The following FGF13 variants were observed in gnomAD, a reference collection of about 807,000 sequenced individuals.
FGF13 encodes fibroblast growth factor 13, also known as fibroblast growth factor homologous factor 2.
Under a neutral mutation model 19.5 loss-of-function variants are expected in FGF13, and 2 were observed. The observed-to-expected ratio is 0.10, with a 90% CI of 0.04 to 0.32. The LOEUF (loss-of-function observed/expected upper bound fraction) is 0.32. FGF13 is among the 10% of genes least tolerant of loss of function. The pLI is 1.00. For missense variants in FGF13, 113 were observed against 192.7 expected (o/e 0.59, Z 2.45); for synonymous variants, 72 against 76.9 (o/e 0.94, Z 0.33).
intron 1 of FGF13, among the ~76,000 whole-genome samples, chrX:139,150,873 G>T (rs892773958): frequency 9.0e-6 from 1 of 111,335 alleles, no homozygotes; most frequent in African/African-American, 3.3e-5. Flanking sequence ...CATGCTAGTA[G>T]CCTAGGCCAC....
At chrX:138,745,407 A>G (rs1323777582) in intron 3 of FGF13, among the ~76,000 whole-genome samples, 1 of 111,968 alleles carries the variant, frequency 8.9e-6, no homozygotes, top group Non-Finnish European at 1.9e-5. Flanking sequence ...AGGAAGAATA[A>G]GAGAATGGCC....
intron 1 of FGF13, among the ~76,000 whole-genome samples, chrX:139,122,763 C>G (rs772684099): frequency 1.8e-5 from 2 of 111,540 alleles, no homozygotes; most frequent in South Asian, 7.6e-4. Flanking sequence ...TCAGACCAAA[C>G]TTTTTGGGAC....
At chrX:139,052,393 C>G (rs1186987602) in intron 1 of FGF13, among the ~76,000 whole-genome samples, 1 of 112,253 alleles carries the variant, frequency 8.9e-6, no homozygotes, top group East Asian at 2.8e-4. Context: ...CATGTCACTG[C>G]AGTCTTTTTT....
At position 138,632,952 on chromosome X, in the gene FGF13, G is replaced by A; in HGVS notation, c.636C>T (p.Leu212=). Residue 212 remains leucine (L), a synonymous_variant, in exon 5 of 5, where the codon CTC becomes CTT. Transcript: ENST00000315930. ...CGCTTCCAGATCGGGAGAACTCCGT[G>A]AGATCGTGCAGTGATGGCTCCTTGT... The part of the protein sequence containing the change: ...AMYKEPSLHD[L]TEFSRSGSGT... 1 of 1,210,708 alleles carries A rather than the reference G, an allele frequency of 8.3e-7. No individual in the cohort carries two copies. The highest frequency in any genetic ancestry group is 1.8e-5 in the South Asian group (1 of 56,863).
At chrX:139,152,173 A>G (rs6635774) in intron 1 of FGF13, among the ~76,000 whole-genome samples, 87 of 110,880 alleles carry the variant, frequency 7.8e-4, no homozygotes, top group African/African-American at 2.8e-3. Flanking sequence ...ATGGGATCAG[A>G]TCGACAAGAG....
upstream of FGF13, chrX:139,204,236 T>TCCGCTTCG (rs2084445108): frequency 8.2e-6 from 5 of 612,233 alleles, no homozygotes; most frequent in Admixed American, 1.4e-4. Flanking sequence ...CGGGGCGGAA[T>TCCGCTTCG]CCGCTTTTCC....
chrX:138,865,492 T>TC (rs2091317795), intron 1 of FGF13, among the ~76,000 whole-genome samples: 2 of 101,988 alleles, frequency 2.0e-5, no homozygotes, highest in African/African-American at 7.2e-5. Flanking sequence ...CTCTCCTCTC[T>TC]CTCTCCTCTC....
At chrX:138,794,824 T>C (rs1221718910) in intron 3 of FGF13, among the ~76,000 whole-genome samples, 2 of 111,974 alleles carry the variant, frequency 1.8e-5, no homozygotes, top group African/African-American at 6.5e-5. Flanking sequence ...CTCTTCAGAA[T>C]GTCAGTCATT....
At chrX:139,191,312 C>G (rs1190054543) in intron 1 of FGF13, among the ~76,000 whole-genome samples, 1 of 112,327 alleles carries the variant, frequency 8.9e-6, no homozygotes, top group East Asian at 2.8e-4. Context: ...AGACAATGGC[C>G]TCAGAAAAGA....
At chrX:139,021,040 A>C (rs1244558088) in intron 1 of FGF13, among the ~76,000 whole-genome samples, 2 of 111,369 alleles carry the variant, frequency 1.8e-5, no homozygotes, top group Non-Finnish European at 3.8e-5. Context: ...AATATATTTC[A>C]CTTCCTTTTT....
chrX:139,141,080 GAT>G (rs2083840671), intron 1 of FGF13, among the ~76,000 whole-genome samples: 1 of 101,488 alleles, frequency 9.9e-6, no homozygotes, highest in Non-Finnish European at 2.0e-5. Flanking sequence ...TAGATAGATA[GAT>G]AGATAGATAG....
rs773796036 is a variant in FGF13, at chrX:138,618,817, T to A, written c.*14033A>T. ...ACTCTCAGAATTTGGTTTGGTTTTA[T>A]GAAATTAAGAAAATACAGATGATCT... On this transcript the variant is annotated 3_prime_UTR_variant, in exon 5 of 5. Coordinates refer to ENST00000315930, the MANE Select transcript of FGF13 (RefSeq NM_004114.5). The A allele has an allele frequency of 8.9e-6, 1 of 111,967 alleles. No homozygotes were observed. The highest frequency in any genetic ancestry group is 3.2e-5 in the African/African-American group (1 of 30,786). 9.2% of individuals were successfully genotyped at this position (111,967 alleles called of 1,213,427 possible).
intron 3 of FGF13, among the ~76,000 whole-genome samples, chrX:138,676,968 T>C (rs1028776467): frequency 1.8e-5 from 2 of 112,525 alleles, no homozygotes. Flanking sequence ...GGAATTCACA[T>C]TGCTACAGAA....
intron 1 of FGF13, among the ~76,000 whole-genome samples, chrX:138,925,496 G>C (rs906118860): frequency 3.6e-5 from 4 of 111,549 alleles, no homozygotes; most frequent in African/African-American, 1.3e-4. Flanking sequence ...TCTTTACGGA[G>C]CTCTCTGACA....
At chrX:139,182,588 A>G (rs73574116) in intron 1 of FGF13, among the ~76,000 whole-genome samples, 1,128 of 112,094 alleles carry the variant, frequency 0.01, 13 homozygotes, top group African/African-American at 0.034. Flanking sequence ...ACAACACATT[A>G]TCTTTTATCT....
intron 1 of FGF13, among the ~76,000 whole-genome samples, chrX:138,738,514 T>C (rs760214538): frequency 8.9e-6 from 1 of 111,992 alleles, no homozygotes; most frequent in South Asian, 3.8e-4. Flanking sequence ...CCTGCTCTTT[T>C]CAAAGAGACT....
At chrX:139,017,938 C>A (rs2092161152) in intron 1 of FGF13, among the ~76,000 whole-genome samples, 1 of 111,690 alleles carries the variant, frequency 9.0e-6, no homozygotes, top group Non-Finnish European at 1.9e-5. Context: ...GTTATGTCCC[C>A]AACTCTGTTA....
In FGF13 at chrX:139,052,181, C is replaced by CCA. The variant is rs72408772; in HGVS notation, c.-113+151233_-113+151234dup. On this transcript the variant is annotated intron_variant, in intron 1 of 2. Transcript: ENST00000421460. ...TTAATGTGAAAATTTTGTTTTCACACCACACACACACACACACACTCATTA... is the reference window on the plus strand; with the variant it reads ...TTAATGTGAAAATTTTGTTTTCACACCACACACACACACACACACACTCATTA... 9.6e-3 allele frequency among the ~76,000 whole-genome samples: 1,032 copies of CCA among 107,957 alleles called. 4 individuals carry two copies. The highest frequency in any genetic ancestry group is 0.011 in the Non-Finnish European group (564 of 51,911). 93.7% of individuals were successfully genotyped at this position (107,957 alleles called of 115,157 possible). A position where few individuals can be genotyped will look rare whatever the true frequency, so the allele number is the denominator to read the frequency against.
chrX:138,978,504 C>T (rs761759154), intron 1 of FGF13, among the ~76,000 whole-genome samples: 131 of 110,801 alleles, frequency 1.2e-3, no homozygotes, highest in African/African-American at 3.4e-3. Context: ...CCTCGTGATC[C>T]GCCCGCCGCG....
Sources: gnomAD v4.1 joint callset for allele counts (sites outside exome capture counted in the v4.1 genomes callset) on GRCh38, gnomAD v4.1.1 for gene constraint, MANE v1.5 for transcripts, NCBI Gene and HGNC (gene_info 2026-07-23, HGNC 2026-07-21) for gene names.